Variants in PIGN observed in about 807,000 individuals in gnomAD.
PIGN encodes GPI ethanolamine phosphate transferase 1.
In PIGN, 117 loss-of-function variants were observed where a neutral mutation model predicts 125.4. The ratio of observed to expected loss-of-function variants is 0.93; its 90% CI spans 0.80 to 1.09. The LOEUF (loss-of-function observed/expected upper bound fraction) is 1.09, where lower values mean the gene tolerates loss of function less well. PIGN is among the 50% of genes least tolerant of loss of function. The pLI, the probability that PIGN is intolerant of heterozygous loss-of-function variation, is 0.00. For missense variants in PIGN, 1,075 were observed against 1,094.9 expected, an observed-to-expected ratio of 0.98 and a Z score of 0.26; for synonymous variants, 392 against 377.8, an observed-to-expected ratio of 1.04 and a Z score of -0.44.
intron 14 of PIGN, among the ~76,000 whole-genome samples, chr18:62,117,365 T>C (rs1427829191): frequency 6.6e-6 from 1 of 151,958 alleles, no homozygotes; most frequent in Non-Finnish European, 1.5e-5. Context: ...ACAAAATAAA[T>C]GGGGGTTGGC....
chr18:62,162,712 TGACA>T (rs1437418295), intron 2 of PIGN, among the ~76,000 whole-genome samples: 2 of 152,158 alleles, frequency 1.3e-5, no homozygotes, highest in Admixed American at 1.3e-4. Context: ...CATAGCTAAC[TGACA>T]AAGAGAATCT....
chr18:62,168,065 A>ATGAGGT, intron 1 of PIGN, among the ~76,000 whole-genome samples: 1 of 151,284 alleles, frequency 6.6e-6, no homozygotes, highest in East Asian at 2.0e-4. Context: ...GTGGTGGCGC[A>ATGAGGT]CCCAACCACT....
At chr18:62,151,159 C>T (rs2036522842) in intron 7 of PIGN, among the ~76,000 whole-genome samples, 1 of 152,156 alleles carries the variant, frequency 6.6e-6, no homozygotes, top group Non-Finnish European at 1.5e-5. Flanking sequence ...TAAATTGAAA[C>T]TATTGTAGGT....
At chr18:62,127,896 G>C (rs571651320) in intron 14 of PIGN, among the ~76,000 whole-genome samples, 41 of 152,130 alleles carry the variant, frequency 2.7e-4, no homozygotes, top group Non-Finnish European at 8.8e-5. Context: ...ATAGCGGAAG[G>C]AGAAGATAGG....
At position 62,046,860 on chromosome 18, in the gene PIGN, T is replaced by C. The variant is rs185769865; in HGVS notation, c.2673-881A>G. 7.2e-5 allele frequency among the ~76,000 whole-genome samples: 11 copies of C among 152,266 alleles called. No homozygotes were observed. In the East Asian group the frequency reaches 2.1e-3, roughly 30 times the overall value. On this transcript the variant is annotated intron_variant, in intron 30 of 30. Transcript: ENST00000640252. ...AGAGGGCTGACTATACAACTAAAAA[T>C]GTTGGACACTATAAACAAACGTAAG...
chr18:62,147,784 T>C (rs10163900), intron 8 of PIGN, among the ~76,000 whole-genome samples: 4,273 of 152,236 alleles, frequency 0.028, 121 homozygotes, highest in African/African-American at 0.058. Context: ...AATTATGGTA[T>C]ACAAAAATGT....
chr18:62,180,972 T>C (rs2037697238), intron 1 of PIGN, among the ~76,000 whole-genome samples: 1 of 152,182 alleles, frequency 6.6e-6, no homozygotes. Flanking sequence ...TTACCTTTCA[T>C]TATTTAAAAT....
chr18:62,057,859 C>CACTTTGCCAACAGGGAAAAGAT (rs1469328421), intron 30 of PIGN, among the ~76,000 whole-genome samples: 10 of 152,350 alleles, frequency 6.6e-5, no homozygotes, highest in Admixed American at 5.9e-4. Context: ...TTTCACAGGA[C>CACTTTGCCAACAGGGAAAAGAT]ACTTTGCCAA....
chr18:62,090,615 A>G (rs1186888464), intron 23 of PIGN, 37 bp from the exon 24 acceptor site: 2 of 1,268,224 alleles, frequency 1.6e-6, no homozygotes, highest in Admixed American at 3.9e-5. Context: ...AAAAGAAAAA[A>G]ACAGTAAAAT....
chr18:62,045,677 G>GAAA lies in PIGN; in HGVS notation c.*176_*178dup. On this transcript the variant is annotated 3_prime_UTR_variant, in exon 31 of 31. Coordinates refer to ENST00000640252, the MANE Select transcript of PIGN (RefSeq NM_176787.5). ...CACTATTTCATGCCTGCAAAACCTA[G>GAAA]AAAAAAAAAGAAGCTCCTTTGTTCC... 14 of 459,258 alleles carry GAAA rather than the reference G, an allele frequency of 3.0e-5. No individual in the cohort carries two copies. Among genetic ancestry groups the GAAA allele is most frequent in the Admixed American group, 7.6e-5 (2 of 26,250 alleles). The allele number at this position is 459,258 out of a possible 1,614,324, so 28.4% of individuals were successfully genotyped here.
chr18:62,142,391 A>T (rs2036171115), intron 11 of PIGN, among the ~76,000 whole-genome samples: 1 of 152,242 alleles, frequency 6.6e-6, no homozygotes, highest in Non-Finnish European at 1.5e-5. Flanking sequence ...CTGGCTATGA[A>T]TAAGGGATGT....
At chr18:62,091,678 C>G (rs1302443188) in intron 23 of PIGN, among the ~76,000 whole-genome samples, 1 of 152,186 alleles carries the variant, frequency 6.6e-6, no homozygotes. Context: ...AGAAGAAATG[C>G]TCATGAGACA....
At chr18:62,046,270 G>C (rs2030675368) in intron 30 of PIGN, among the ~76,000 whole-genome samples, 1 of 151,908 alleles carries the variant, frequency 6.6e-6, no homozygotes. Context: ...TATAAGCTAT[G>C]TATATCCTCC....
rs548271600 is a variant in PIGN, at chr18:62,145,401, G to C, written c.922+508C>G. ...TTACTTACTGAAGACATGCTGTTGA[G>C]TGCATTATTCACTGTGCTCTTCTGT... On this transcript the variant is annotated intron_variant, in intron 10 of 30. Coordinates refer to ENST00000640252, the MANE Select transcript of PIGN (RefSeq NM_176787.5). Among the ~76,000 whole-genome samples the C allele has an allele frequency of 8.5e-5, 13 of 152,250 alleles. No individual in the cohort carries two copies. The East Asian group carries it at 2.5e-3, about 29-fold the overall frequency.
At position 62,041,484 on chromosome 18, in the gene PIGN, A is replaced by G. The variant is rs540170325; in HGVS notation, c.*4372T>C. 2.0e-5 allele frequency: 3 copies of G among 152,124 alleles called. No individual in the cohort carries two copies. Among genetic ancestry groups the G allele is most frequent in the Non-Finnish European group, 4.4e-5 (3 of 68,030 alleles). The allele number at this position is 152,124 out of a possible 1,614,324, so 9.4% of individuals were successfully genotyped here. A position where few individuals can be genotyped will look rare whatever the true frequency, so the allele number is the denominator to read the frequency against. On this transcript the variant is annotated 3_prime_UTR_variant, in exon 31 of 31. Coordinates refer to ENST00000640252, the MANE Select transcript of PIGN (RefSeq NM_176787.5). ...TGACAAATTAAGGTTTTAGTGCAAA[A>G]TTATATGGAGACATTTCTTTTTGAG...
chr18:62,018,148 G>C (rs760340532), intron 23 of PIGN, among the ~76,000 whole-genome samples: 7 of 152,204 alleles, frequency 4.6e-5, no homozygotes, highest in African/African-American at 7.2e-5. Context: ...GAAAACTAGA[G>C]GAATCATAGC....
chr18:62,060,796 T>A (rs2032074921), intron 30 of PIGN, among the ~76,000 whole-genome samples: 1 of 152,226 alleles, frequency 6.6e-6, no homozygotes, highest in South Asian at 2.1e-4. Flanking sequence ...CAAATCTGAA[T>A]ATACGTTTTT....
intron 9 of PIGN, 53 bp downstream of exon 9, chr18:62,146,918 A>G: frequency 1.3e-6 from 2 of 1,560,692 alleles, no homozygotes; most frequent in South Asian, 2.3e-5. Flanking sequence ...TTTACCAGCT[A>G]CATTTATCAC....
chr18:62,085,604 T>C (rs1189822904), intron 25 of PIGN, among the ~76,000 whole-genome samples: 4 of 152,118 alleles, frequency 2.6e-5, no homozygotes, highest in Non-Finnish European at 5.9e-5. Context: ...GTGTGTATCA[T>C]AGATATTTTC....
Sources: allele counts gnomAD v4.1 joint callset (sites outside exome capture counted in the v4.1 genomes callset), GRCh38; gene constraint gnomAD v4.1.1; transcripts MANE v1.5; gene names NCBI Gene and HGNC (gene_info 2026-07-23, HGNC 2026-07-21).